SBK3: variants seen among roughly 807,000 people sequenced by gnomAD.
SBK3 encodes the protein SH3 domain binding kinase family member 3.
A neutral mutation model predicts 12.7 loss-of-function variants in SBK3; 16 were observed. The ratio of observed to expected loss-of-function variants is 1.26; its 90% CI spans 0.86 to 1.92. The LOEUF (loss-of-function observed/expected upper bound fraction) is 1.92, where lower values mean the gene tolerates loss of function less well. Among genes scored for constraint, SBK3 ranks in the 40% most tolerant of loss-of-function variants. SBK3 has a pLI of 0.00. For synonymous variants in SBK3, 217 were observed against 213.6 expected, an observed-to-expected ratio of 1.02 and a Z score of -0.14; for missense variants, 462 against 481.8, an observed-to-expected ratio of 0.96 and a Z score of 0.38.
chr19:55,544,735 G>A lies in SBK3; in HGVS notation c.196+64C>T, dbSNP rs543472319. 2.2e-5 allele frequency: 31 copies of A among 1,419,608 alleles called. No individual in the cohort carries two copies. The Admixed American group carries it at 6.1e-4, about 28-fold the overall frequency. 87.9% of individuals were successfully genotyped at this position (1,419,608 alleles called of 1,614,324 possible). ...CCTCCTGGGAATGCCCCCTGTCTGG[G>A]TGGCTTCCGAGAATGCTTATTGTGG... On this transcript the variant is annotated intron_variant, in intron 2 of 3. Coordinates refer to ENST00000612221, the MANE Select transcript of SBK3 (RefSeq NM_001199824.2).
rs55758260 is a variant in SBK3 at position 55,545,211 on chromosome 19, G to C, written c.46-262C>G. The C allele has an allele frequency of 2.2e-5, 13 of 578,786 alleles. No individual in the cohort carries two copies. In the East Asian group the frequency reaches 3.2e-4, roughly 14 times the overall value. 35.9% of individuals were successfully genotyped at this position (578,786 alleles called of 1,614,324 possible). A position where few individuals can be genotyped will look rare whatever the true frequency, so the allele number is the denominator to read the frequency against. ...AGGCCAGGAGCCCCCAGCCCCGAGT[G>C]GGGGTGCATCCTCAGCCCACACAGT... On this transcript the variant is annotated intron_variant, in intron 1 of 3. Coordinates refer to ENST00000612221, the MANE Select transcript of SBK3 (RefSeq NM_001199824.2). This position sits in a 1 kb window ranked among gnomAD's most constrained non-coding sequence, Gnocchi z 4.4.
rs58908017 is a variant in SBK3 at position 55,543,304 on chromosome 19, T to TCATCCATCCATC, written c.399+784_399+795dup. On this transcript the variant is annotated intron_variant, in intron 3 of 3. Coordinates refer to ENST00000612221, the MANE Select transcript of SBK3 (RefSeq NM_001199824.2). The stretch of plus-strand genomic sequence containing the variant: ...TCCATCCACTCACCCACCAATCCTT[T>TCATCCATCCATC]CATCCATCCATCCATCCATCCATCC... Among the ~76,000 whole-genome samples, 58 of 50,604 alleles carry TCATCCATCCATC rather than the reference T, an allele frequency of 1.1e-3. 4 individuals carry two copies. The highest frequency in any genetic ancestry group is 9.9e-3 in the East Asian group (17 of 1,716). The allele number at this position is 50,604 out of a possible 152,430, so 33.2% of individuals were successfully genotyped here. A position where few individuals can be genotyped will look rare whatever the true frequency, so the allele number is the denominator to read the frequency against.
intron 3 of SBK3, among the ~76,000 whole-genome samples, chr19:55,543,304 T>TC (rs1988604670): frequency 7.9e-5 from 4 of 50,594 alleles, no homozygotes; most frequent in African/African-American, 1.2e-4. Context: ...ACCAATCCTT[T>TC]CATCCATCCA....
chr19:55,541,169 C>T lies in SBK3; in HGVS notation c.757G>A (p.Glu253Lys), dbSNP rs756561113. 22 of 1,535,810 alleles carry T rather than the reference C, an allele frequency of 1.4e-5. No homozygotes were observed. In the South Asian group the frequency reaches 1.9e-4, roughly 13 times the overall value. ...DVALAPNPEF[E>K]AFAGWVTTKP... ...GTGGTCACCCAGCCAGCGAAGGCCT[C>T]GAACTCAGGGTTGGGGGCCAGTGCC... Residue 253 changes from glutamate (E) to lysine (K), a missense_variant, in exon 4 of 4, where the codon GAG (glutamate) becomes AAG (lysine). By Grantham distance (56) the Glu-to-Lys change is moderately conservative (BLOSUM62 1). Coordinates refer to ENST00000612221, the MANE Select transcript of SBK3 (RefSeq NM_001199824.2). The surrounding 1 kb of genome is among the most constrained non-coding windows in gnomAD (Gnocchi z 5.3).
rs749126447 is a variant in SBK3, at chr19:55,544,165, G to C, written c.334C>G (p.Arg112Gly). The change falls in exon 3 of 4, where the codon CGC (arginine) becomes GGC (glycine). Residue 112 changes from arginine to glycine, a missense_variant. Transcript: ENST00000612221. ...QTLAGPLQTP[R>G]YFAFAQEYAP... The stretch of plus-strand genomic sequence containing the variant: ...TACTCCTGGGCGAAGGCAAAATAGC[G>C]GGGGGTCTGTAGGGGTCCTGCCAGG... 5.6e-5 allele frequency: 86 copies of C among 1,535,142 alleles called. No homozygotes were observed. Among genetic ancestry groups the C allele is most frequent in the East Asian group, 2.4e-4 (10 of 40,906 alleles).
intron 3 of SBK3, among the ~76,000 whole-genome samples, chr19:55,542,622 TCCGTCCATGCAG>T (rs1988579496): frequency 7.1e-6 from 1 of 141,238 alleles, no homozygotes. Flanking sequence ...CTTTCATCCA[TCCGTCCATGCAG>T]CCATCCACCC....
In SBK3 at chr19:55,541,963, C is replaced by T. The variant is rs1185167270; in HGVS notation, c.400-437G>A. ...CTTTCAAAGATTCTCCTAACTCAAA[C>T]ACTCAGGCCCACTGTGAACATTTCT... is the stretch of plus-strand genomic sequence containing the variant. On this transcript the variant is annotated intron_variant, in intron 3 of 3. Coordinates refer to ENST00000612221, the MANE Select transcript of SBK3 (RefSeq NM_001199824.2). This position sits in a 1 kb window ranked among gnomAD's most constrained non-coding sequence, Gnocchi z 5.3. Among the ~76,000 whole-genome samples, 1 of 152,180 alleles carries T rather than the reference C, an allele frequency of 6.6e-6. No homozygotes were observed. The highest frequency in any genetic ancestry group is 1.5e-5 in the Non-Finnish European group (1 of 68,050).
chr19:55,544,154 G>GGCAAAA lies in SBK3; in HGVS notation c.339_344dup (p.Phe116_Ala117dup). The GGCAAAA allele has an allele frequency of 6.5e-7, 1 of 1,535,196 alleles. No individual in the cohort carries two copies. The highest frequency in any genetic ancestry group is 1.4e-5 in the African/African-American group (1 of 73,150). ...CACAGGGCGCGTACTCCTGGGCGAAGGCAAAATAGCGGGGGGTCTGTAGGG... is the reference window on the plus strand; with the variant it reads ...CACAGGGCGCGTACTCCTGGGCGAAGGCAAAAGCAAAATAGCGGGGGGTCTGTAGGG... On this transcript the variant is annotated inframe_insertion, in exon 3 of 4. Coordinates refer to ENST00000612221, the MANE Select transcript of SBK3 (RefSeq NM_001199824.2).
Position 55,540,759 on chromosome 19 carries a change from G to A in SBK3, c.*87C>T, listed in dbSNP as rs1434198081. On this transcript the variant is annotated 3_prime_UTR_variant, in exon 4 of 4. Coordinates refer to ENST00000612221, the MANE Select transcript of SBK3 (RefSeq NM_001199824.2). ...ATGTGTTCCCTCTCTGTCCTCCCGG[G>A]TGCAGCTGTCTCTCCATCCAGGTGG... is the stretch of plus-strand genomic sequence containing the variant. 9.1e-7 allele frequency: 1 copy of A among 1,101,632 alleles called. No individual in the cohort carries two copies. The highest frequency in any genetic ancestry group is 1.3e-5 in the South Asian group (1 of 75,294). 68.2% of individuals were successfully genotyped at this position (1,101,632 alleles called of 1,614,324 possible). A position where few individuals can be genotyped will look rare whatever the true frequency, so the allele number is the denominator to read the frequency against.
Position 55,544,818 on chromosome 19 carries a change from A to G in SBK3, c.177T>C (p.Leu59=), listed in dbSNP as rs491639. The G allele has an allele frequency of 0.88, 1,343,728 of 1,522,326 alleles. 595,397 individuals carry two copies. Among genetic ancestry groups the G allele is most frequent in the Non-Finnish European group, 0.9 (1,027,551 of 1,140,278 alleles). The allele number at this position is 1,522,326 out of a possible 1,614,324, so 94.3% of individuals were successfully genotyped here. A position where few individuals can be genotyped will look rare whatever the true frequency, so the allele number is the denominator to read the frequency against. Residue 59 remains leucine, a synonymous_variant, in exon 2 of 4, where the codon CTT becomes CTC. Transcript: ENST00000612221. ...ACTCACCCCCCTGGTGAGGCTGGGC[A>G]AGGAGCACGCGGCCGTAGGAGCCGG... is the stretch of plus-strand genomic sequence containing the variant. ...LGSGSYGRVL[L]AQPHQGGPAV...
Position 55,541,111 on chromosome 19 carries a change from C to T in SBK3, c.815G>A (p.Trp272Ter). The change falls in exon 4 of 4, where the codon TGG (tryptophan) becomes TAG (stop). Residue 272 changes from tryptophan to a stop codon, truncating the protein, a stop_gained. Coordinates refer to ENST00000612221, the MANE Select transcript of SBK3 (RefSeq NM_001199824.2). LOFTEE classifies it low-confidence loss of function (END_TRUNC). This position sits in a 1 kb window ranked among gnomAD's most constrained non-coding sequence, Gnocchi z 5.3. ...KPQPPQPPPP[W>*]DQFAPPALAL... Reference sequence around the variant, plus strand: ...CAGGGCTGGGGGCGCAAACTGGTCCCAGGGTGGTGGTGGCTGAGGTGGCTG... The same window carrying T: ...CAGGGCTGGGGGCGCAAACTGGTCCTAGGGTGGTGGTGGCTGAGGTGGCTG... 1 of 1,535,820 alleles carries T rather than the reference C, an allele frequency of 6.5e-7. No individual in the cohort carries two copies. Among genetic ancestry groups the T allele is most frequent in the Non-Finnish European group, 8.7e-7 (1 of 1,146,744 alleles).
In SBK3 at chr19:55,544,150, C is replaced by A. The variant is rs537976523; in HGVS notation, c.349G>T (p.Ala117Ser). The change falls in exon 3 of 4, where the codon GCC becomes TCC. Residue 117 changes from alanine (A) to serine (S), a missense_variant. By Grantham distance (99) the Ala-to-Ser change is moderately conservative. Transcript: ENST00000612221. ...TCCCCACAGGGCGCGTACTCCTGGG[C>A]GAAGGCAAAATAGCGGGGGGTCTGT... ...PLQTPRYFAFAQEYAPCGDLS... is the reference protein window; with the variant it reads ...PLQTPRYFAFSQEYAPCGDLS... 1 of 1,534,288 alleles carries A rather than the reference C, an allele frequency of 6.5e-7. No homozygotes were observed. The highest frequency in any genetic ancestry group is 8.7e-7 in the Non-Finnish European group (1 of 1,146,096).
chr19:55,542,925 C>A, intron 3 of SBK3, among the ~76,000 whole-genome samples: 1 of 147,574 alleles, frequency 6.8e-6, no homozygotes. Flanking sequence ...TCTACCCACC[C>A]ACCCATCCAT....
intron 3 of SBK3, among the ~76,000 whole-genome samples, chr19:55,542,601 G>T (rs1391549733): frequency 3.2e-5 from 3 of 92,708 alleles, no homozygotes; most frequent in African/African-American, 4.5e-5. Flanking sequence ...CCATCCATCC[G>T]CCCACCAATC....
intron 2 of SBK3, 125 bp downstream of exon 2, chr19:55,544,674 T>C: frequency 1.0e-6 from 1 of 983,528 alleles, no homozygotes; most frequent in Non-Finnish European, 1.4e-6. Flanking sequence ...CTCTTAACTT[T>C]CAGAGTACCC....
rs1444577640 is a variant in SBK3 at position 55,541,617 on chromosome 19, C to T, written c.400-91G>A. 9.3e-6 allele frequency: 10 copies of T among 1,071,370 alleles called. No individual in the cohort carries two copies. The highest frequency in any genetic ancestry group is 6.4e-5 in the African/African-American group (4 of 62,726). The allele number at this position is 1,071,370 out of a possible 1,614,324, so 66.4% of individuals were successfully genotyped here. A position where few individuals can be genotyped will look rare whatever the true frequency, so the allele number is the denominator to read the frequency against. ...CTGGTCTCAAACTCCTGGCCTCAAG[C>T]GATCCTCCTGCCTTGGCCTCCCAAA... is the stretch of plus-strand genomic sequence containing the variant. On this transcript the variant is annotated intron_variant, in intron 3 of 3. Coordinates refer to ENST00000612221, the MANE Select transcript of SBK3 (RefSeq NM_001199824.2). This position sits in a 1 kb window ranked among gnomAD's most constrained non-coding sequence, Gnocchi z 5.3.
In SBK3 at chr19:55,544,110, A is replaced by G. The variant is rs1305982299; in HGVS notation, c.389T>C (p.Leu130Pro). 6.7e-7 allele frequency: 1 copy of G among 1,492,298 alleles called. No individual in the cohort carries two copies. The highest frequency in any genetic ancestry group is 8.9e-7 in the Non-Finnish European group (1 of 1,124,770). 92.4% of individuals were successfully genotyped at this position (1,492,298 alleles called of 1,614,324 possible). The change falls in exon 3 of 4, where the codon CTG becomes CCG. Residue 130 changes from leucine (L) to proline (P), a missense_variant. Coordinates refer to ENST00000612221, the MANE Select transcript of SBK3 (RefSeq NM_001199824.2). ...YAPCGDLSGM[L>P]QERGLPELLV... is the part of the protein sequence containing the mutation. ...CCCTCGTGGCCTCACCCTTTCCTGC[A>G]GCATCCCGCTGAGGTCCCCACAGGG... is the stretch of plus-strand genomic sequence containing the variant.
Position 55,541,535 on chromosome 19 carries a change from A to G in SBK3, c.400-9T>C, listed in dbSNP as rs1044962020. 1 of 1,498,354 alleles carries G rather than the reference A, an allele frequency of 6.7e-7. No homozygotes were observed. Among genetic ancestry groups the G allele is most frequent in the Non-Finnish European group, 8.9e-7 (1 of 1,123,978 alleles). 92.8% of individuals were successfully genotyped at this position (1,498,354 alleles called of 1,614,324 possible). On this transcript the variant is annotated splice_polypyrimidine_tract_variant and intron_variant, in intron 3 of 3. Transcript: ENST00000612221. The surrounding 1 kb of genome is among the most constrained non-coding windows in gnomAD (Gnocchi z 5.3). ...AGCAGTTCTGGGAGGCCCTGAGGTC[A>G]AGAAGACAGGAGGAGGGTCAGAGTG...
chr19:55,542,297 A>G (rs771052781), intron 3 of SBK3, among the ~76,000 whole-genome samples: 1 of 152,072 alleles, frequency 6.6e-6, no homozygotes, highest in Non-Finnish European at 1.5e-5. Context: ...CAACATCCAT[A>G]TATTCATCCT....
Sources: allele counts gnomAD v4.1 joint callset (sites outside exome capture counted in the v4.1 genomes callset), GRCh38; gene constraint gnomAD v4.1.1; non-coding constraint Gnocchi (gnomAD v3.1); transcripts MANE v1.5; gene names NCBI Gene and HGNC (gene_info 2026-07-23, HGNC 2026-07-21).